Variants in ZC3HAV1 observed in about 807,000 individuals in gnomAD.
ZC3HAV1 encodes zinc finger CCCH-type containing, antiviral 1.
A neutral mutation model predicts 86.6 loss-of-function variants in ZC3HAV1; 41 were observed. The ratio of observed to expected loss-of-function variants is 0.47; its 90% CI spans 0.37 to 0.61. ZC3HAV1 has a LOEUF of 0.61. Among genes scored for constraint, ZC3HAV1 ranks in the 20% least tolerant of loss-of-function variants. The probability of loss-of-function intolerance (pLI) is 0.00; values close to 1 mark genes in which losing one functional copy is unlikely to be tolerated. For synonymous variants in ZC3HAV1, 421 were observed against 432.1 expected (o/e 0.97, Z 0.32); for missense variants, 964 against 1,141.1 (o/e 0.84, Z 2.24).
intron 9 of ZC3HAV1, among the ~76,000 whole-genome samples, chr7:139,056,621 G>C (rs1235794280): frequency 6.6e-6 from 1 of 151,586 alleles, no homozygotes; most frequent in Non-Finnish European, 1.5e-5. Flanking sequence ...TGCCCAGGCT[G>C]GTCTTAAACT....
intron 1 of ZC3HAV1, among the ~76,000 whole-genome samples, chr7:139,092,025 G>A (rs1039308112): frequency 3.9e-5 from 6 of 152,202 alleles, no homozygotes; most frequent in African/African-American, 1.4e-4. Context: ...GAAAGGGGAG[G>A]GGGGGTCTAG....
intron 1 of ZC3HAV1, among the ~76,000 whole-genome samples, chr7:139,090,479 C>T (rs904104114): frequency 6.6e-6 from 1 of 152,128 alleles, no homozygotes; most frequent in Non-Finnish European, 1.5e-5. Flanking sequence ...CTATTAACTC[C>T]ATAAATTAGA....
chr7:139,085,577 AT>A (rs952648910), intron 2 of ZC3HAV1, among the ~76,000 whole-genome samples: 61 of 152,362 alleles, frequency 4.0e-4, no homozygotes, highest in African/African-American at 1.3e-3. Flanking sequence ...AAAGCAATCA[AT>A]GAAGTGACTG....
intron 3 of ZC3HAV1, among the ~76,000 whole-genome samples, chr7:139,082,681 G>C (rs544731849): frequency 2.6e-5 from 4 of 152,210 alleles, no homozygotes; most frequent in Non-Finnish European, 5.9e-5. Context: ...CTATAACATG[G>C]ATGAACCCTG....
intron 12 of ZC3HAV1, chr7:139,049,508 T>G (rs1165491120): frequency 6.6e-6 from 1 of 152,542 alleles, no homozygotes; most frequent in East Asian, 1.9e-4. Context: ...GGATAGCTTT[T>G]TCTTCTGTGC....
Position 139,109,155 on chromosome 7 carries a change from C to T in ZC3HAV1, c.177G>A (p.Gly59=). 6.3e-7 allele frequency: 1 copy of T among 1,594,132 alleles called. No individual in the cohort carries two copies. The highest frequency in any genetic ancestry group is 8.5e-7 in the Non-Finnish European group (1 of 1,170,640). ...FVVLETGGEA[G]ITRSVVATTR... is the part of the protein sequence containing the mutation. ...TGGTGGCCACCACCGATCGGGTGAT[C>T]CCGGCCTCGCCGCCGGTCTCCAACA... The change falls in exon 1 of 13, where the codon GGG becomes GGA. Residue 59 remains glycine, a synonymous_variant. Transcript: ENST00000242351.
At chr7:139,049,709 ACT>A (rs1816069015) in intron 12 of ZC3HAV1, 1 of 153,228 alleles carries the variant, frequency 6.5e-6, no homozygotes, top group Non-Finnish European at 1.5e-5. Context: ...GTTCAGCATT[ACT>A]CTCTGCATTT....
intron 7 of ZC3HAV1, among the ~76,000 whole-genome samples, chr7:139,067,604 G>GTACATTATT (rs1816643181): frequency 6.6e-6 from 1 of 152,040 alleles, no homozygotes; most frequent in African/African-American, 2.4e-5. Flanking sequence ...ATTACTTAAT[G>GTACATTATT]GGTACAATGT....
chr7:139,102,901 A>G (rs1817815349), intron 1 of ZC3HAV1, among the ~76,000 whole-genome samples: 1 of 151,292 alleles, frequency 6.6e-6, no homozygotes, highest in South Asian at 2.1e-4. Flanking sequence ...GAGTGGTGAC[A>G]GAACAAGATC....
chr7:139,097,536 G>A (rs1000964841), intron 1 of ZC3HAV1, among the ~76,000 whole-genome samples: 6 of 148,248 alleles, frequency 4.0e-5, no homozygotes, highest in Non-Finnish European at 8.9e-5. Flanking sequence ...CTGGGTTCAC[G>A]CCATTCTCCT....
At chr7:139,060,698 C>T in intron 9 of ZC3HAV1, 1 of 1,045,570 alleles carries the variant, frequency 9.6e-7, no homozygotes, top group Non-Finnish European at 1.2e-6. Context: ...AAAAAAGAAT[C>T]CACAGCAAAA....
At chr7:139,071,103 C>CT (rs1463945923) in intron 7 of ZC3HAV1, among the ~76,000 whole-genome samples, 5,305 of 135,250 alleles carry the variant, frequency 0.039, 305 homozygotes, top group African/African-American at 0.13. Flanking sequence ...TTTCTGAAAC[C>CT]TTTTTTTTTT....
At chr7:139,095,422 T>C (rs546497646) in intron 1 of ZC3HAV1, among the ~76,000 whole-genome samples, 1 of 151,872 alleles carries the variant, frequency 6.6e-6, no homozygotes, top group African/African-American at 2.4e-5. Context: ...ACACAGAGGG[T>C]GGAGCCGAAA....
intron 1 of ZC3HAV1, among the ~76,000 whole-genome samples, chr7:139,095,775 C>T (rs1327143295): frequency 6.6e-6 from 1 of 152,162 alleles, no homozygotes; most frequent in Non-Finnish European, 1.5e-5. Flanking sequence ...GTTCATGGTT[C>T]ACAAGCTTGT....
intron 1 of ZC3HAV1, among the ~76,000 whole-genome samples, chr7:139,094,810 T>A (rs908946987): frequency 1.1e-4 from 17 of 151,894 alleles, no homozygotes; most frequent in Non-Finnish European, 2.2e-4. Flanking sequence ...CCCGGGTGAT[T>A]CCCACGTGCA....
rs561980330 is a variant in ZC3HAV1, at chr7:139,101,180, T to A, written c.308+7844A>T. ...CCCAGGCTGGAGTGCAGTGGTGTGA[T>A]CTCGGCTAGCTACAACCTCCACCTC... On this transcript the variant is annotated intron_variant, in intron 1 of 12. Transcript: ENST00000242351. Among the ~76,000 whole-genome samples, 5 of 152,066 alleles carry A rather than the reference T, an allele frequency of 3.3e-5. No individual in the cohort carries two copies. In the South Asian group the frequency reaches 1.0e-3, roughly 32 times the overall value.
At chr7:139,070,588 C>T (rs1279274555) in intron 7 of ZC3HAV1, among the ~76,000 whole-genome samples, 7 of 140,994 alleles carry the variant, frequency 5.0e-5, no homozygotes, top group South Asian at 2.3e-4. Context: ...GGCGTGAACA[C>T]GGGAGGCGGG....
chr7:139,061,600 C>T (rs755715750), intron 8 of ZC3HAV1, among the ~76,000 whole-genome samples: 2 of 152,198 alleles, frequency 1.3e-5, no homozygotes, highest in Non-Finnish European at 2.9e-5. Context: ...GAAAGTAAGT[C>T]ATAATACATT....
chr7:139,078,100 G>A (rs1392872330), intron 5 of ZC3HAV1, among the ~76,000 whole-genome samples: 2 of 152,162 alleles, frequency 1.3e-5, no homozygotes, highest in Non-Finnish European at 2.9e-5. Flanking sequence ...TTAGCCGGAC[G>A]GGGTGGCACA....
Sources: gnomAD v4.1 joint callset for allele counts (sites outside exome capture counted in the v4.1 genomes callset) on GRCh38, gnomAD v4.1.1 for gene constraint, MANE v1.5 for transcripts, NCBI Gene and HGNC (gene_info 2026-07-23, HGNC 2026-07-21) for gene names.